The following ZNF846 variants were observed in gnomAD, a reference collection of about 807,000 sequenced individuals.
ZNF846 encodes zinc finger protein 846.
ZNF846 carries 15 observed loss-of-function variants against 16.0 expected under a neutral mutation model. The observed-to-expected ratio is 0.94, with a 90% CI of 0.63 to 1.45. The LOEUF (loss-of-function observed/expected upper bound fraction) is 1.45. Ranked by LOEUF, ZNF846 falls within the 40% of genes most tolerant of loss-of-function variation. The probability of loss-of-function intolerance (pLI) is 0.00; values close to 1 mark genes in which losing one functional copy is unlikely to be tolerated. For missense variants in ZNF846, 714 were observed against 622.3 expected (o/e 1.15, Z -1.57); for synonymous variants, 229 against 212.0 (o/e 1.08, Z -0.70).
At chr19:9,758,448 T>G (rs562843483) in exon 6 of ZNF846, 1 of 1,613,486 alleles carries the variant, frequency 6.2e-7, no homozygotes, top group South Asian at 1.1e-5. Flanking sequence ...AAGGGATGAC[T>G]GATTAAGAAA....
At chr19:9,782,645 CA>C (rs529288492) in intron 1 of ZNF846, among the ~76,000 whole-genome samples, 284 of 152,266 alleles carry the variant, frequency 1.9e-3, no homozygotes, top group Non-Finnish European at 2.7e-3. Flanking sequence ...TCTGCACCAC[CA>C]GGGGAAGAAA....
chr19:9,783,199 T>C (rs1048173932), intron 1 of ZNF846, among the ~76,000 whole-genome samples: 2 of 147,366 alleles, frequency 1.4e-5, no homozygotes, highest in Non-Finnish European at 3.0e-5. Context: ...CCTGAGTACC[T>C]GGACTTCTCC....
downstream of ZNF846, among the ~76,000 whole-genome samples, chr19:9,749,361 C>T (rs1021160654): frequency 5.9e-5 from 9 of 152,068 alleles, no homozygotes; most frequent in African/African-American, 1.9e-4. Flanking sequence ...TCATCATTCT[C>T]AACTACTCGT....
chr19:9,754,943 G>A (rs550736098), downstream of ZNF846, among the ~76,000 whole-genome samples: 3 of 151,048 alleles, frequency 2.0e-5, no homozygotes, highest in Non-Finnish European at 4.4e-5. Flanking sequence ...TCGAGTCACT[G>A]CAACCTCCAC....
rs771944444 is a variant in ZNF846, at chr19:9,764,894, T to C, written c.15+42A>G. ...ACAAGGTAAGGCTACCGATGATGGC[T>C]ACAAGCATAACATTTTGAAGTTAGG... On this transcript the variant is annotated intron_variant, in intron 2 of 5. Coordinates refer to ENST00000397902, the Ensembl canonical transcript of ZNF846. 3.7e-6 allele frequency: 6 copies of C among 1,612,478 alleles called. No individual in the cohort carries two copies. In the Admixed American group the frequency reaches 8.3e-5, roughly 22 times the overall value.
chr19:9,769,262 C>T (rs949909827), upstream of ZNF846, among the ~76,000 whole-genome samples: 1 of 151,760 alleles, frequency 6.6e-6, no homozygotes, highest in Non-Finnish European at 1.5e-5. Context: ...TTATCTTTTT[C>T]TAGACACTTG....
Position 9,759,852 on chromosome 19 carries a change from A to T in ZNF846, c.312+8T>A, listed in dbSNP as rs757007255. 3 of 1,606,066 alleles carry T rather than the reference A, an allele frequency of 1.9e-6. No homozygotes were observed. In the East Asian group the frequency reaches 6.7e-5, roughly 36 times the overall value. On this transcript the variant is annotated splice_region_variant and intron_variant, in intron 5 of 5. Coordinates refer to ENST00000397902, the Ensembl canonical transcript of ZNF846. ...AGTGTGGAAGATTTCATCCCTTGGAAATCTTACCAATTGTACTCCATTTGG... is the reference window on the plus strand; with the variant it reads ...AGTGTGGAAGATTTCATCCCTTGGATATCTTACCAATTGTACTCCATTTGG...
downstream of ZNF846, among the ~76,000 whole-genome samples, chr19:9,754,773 C>T (rs2045117868): frequency 6.6e-6 from 1 of 150,978 alleles, no homozygotes; most frequent in Non-Finnish European, 1.5e-5. Context: ...TACATTACTG[C>T]CTTTTTTGTT....
At chr19:9,751,631 C>T (rs553063794), downstream of ZNF846, among the ~76,000 whole-genome samples, 1 of 151,998 alleles carries the variant, frequency 6.6e-6, no homozygotes, top group Non-Finnish European at 1.5e-5. Flanking sequence ...ACACCCTCCG[C>T]GCCCTTGTGA....
At chr19:9,757,124 G>A (rs2045144503), downstream of ZNF846, among the ~76,000 whole-genome samples, 1 of 151,414 alleles carries the variant, frequency 6.6e-6, no homozygotes, top group Non-Finnish European at 1.5e-5. Flanking sequence ...GAACCCAGGA[G>A]GCAGAGGTTG....
intron 5 of ZNF846, 35 bp downstream of exon 5, chr19:9,759,825 C>G: frequency 6.7e-7 from 1 of 1,498,726 alleles, no homozygotes; most frequent in South Asian, 1.2e-5. Context: ...GCTTCTTGTC[C>G]TAGTGTGGAA....
In ZNF846 at chr19:9,757,939, C is replaced by G. The variant is rs756760781; in HGVS notation, c.1138G>C (p.Gly380Arg). The G allele has an allele frequency of 1.9e-6, 3 of 1,613,340 alleles. No homozygotes were observed. In the African/African-American group the frequency reaches 4.0e-5, roughly 22 times the overall value. ...TGTGTTCTCATGTGTAAAACAAGTC[C>G]TGAGGAACGAGTAAAAGCTTTCCCA... is the stretch of plus-strand genomic sequence containing the variant. Residue 380 changes from glycine (G) to arginine (R), a missense_variant, in exon 6 of 6, where the codon GGA becomes CGA. Gly to Arg is a moderately radical substitution (Grantham distance 125). Coordinates refer to ENST00000397902, the Ensembl canonical transcript of ZNF846.
chr19:9,761,721 A>C (rs1043584694), intron 4 of ZNF846, among the ~76,000 whole-genome samples: 3 of 152,100 alleles, frequency 2.0e-5, no homozygotes, highest in African/African-American at 4.8e-5. Context: ...AAAAAAAAAA[A>C]AAACCTGTAT....
At chr19:9,765,165 G>A (rs2045295077) in intron 1 of ZNF846, 130 bp from the exon 2 acceptor site, 1 of 549,222 alleles carries the variant, frequency 1.8e-6, no homozygotes, top group Non-Finnish European at 3.3e-6. Context: ...TTGAGGTCAG[G>A]AGTTTGAGAC....
chr19:9,777,680 T>G (rs903606004), intron 1 of ZNF846, among the ~76,000 whole-genome samples: 1 of 127,176 alleles, frequency 7.9e-6, no homozygotes, highest in African/African-American at 3.8e-5. Context: ...AAAAAAAAAA[T>G]TTAAACAATT....
downstream of ZNF846, among the ~76,000 whole-genome samples, chr19:9,755,915 A>G (rs1463403403): frequency 1.5e-5 from 2 of 132,894 alleles, no homozygotes; most frequent in Non-Finnish European, 3.1e-5. Flanking sequence ...ATCTTGGCTC[A>G]CTGCAACCTC....
exon 6 of ZNF846, chr19:9,758,274 C>A: frequency 6.2e-7 from 1 of 1,613,256 alleles, no homozygotes; most frequent in Non-Finnish European, 8.5e-7. Context: ...TAATTTAAGT[C>A]CTGTGGATTG....
intron 5 of ZNF846, 24 bp downstream of exon 5, chr19:9,759,836 G>T: frequency 1.9e-6 from 3 of 1,575,740 alleles, no homozygotes; most frequent in Non-Finnish European, 2.6e-6. Context: ...TAGTGTGGAA[G>T]ATTTCATCCC....
At chr19:9,764,177 G>A (rs2045277424) in intron 2 of ZNF846, among the ~76,000 whole-genome samples, 1 of 152,136 alleles carries the variant, frequency 6.6e-6, no homozygotes, top group South Asian at 2.1e-4. Context: ...ATGGATAAAC[G>A]CCCTCATCTT....
Sources: gnomAD v4.1 joint callset for allele counts (sites outside exome capture counted in the v4.1 genomes callset) on GRCh38, gnomAD v4.1.1 for gene constraint, MANE v1.5 for transcripts, NCBI Gene and HGNC (gene_info 2026-07-23, HGNC 2026-07-21) for gene names.